The following CFAP20DC variants were observed in gnomAD, a reference collection of about 807,000 sequenced individuals.
The protein encoded by CFAP20DC is CFAP20 domain containing, also known as protein CFAP20DC.
A neutral mutation model predicts 101.7 loss-of-function variants in CFAP20DC; 84 were observed. The observed-to-expected ratio is 0.83, with a 90% CI of 0.69 to 0.99. The LOEUF (loss-of-function observed/expected upper bound fraction) is 0.99, where lower values mean the gene tolerates loss of function less well. Among genes scored for constraint, CFAP20DC ranks in the 50% least tolerant of loss-of-function variants. The probability of loss-of-function intolerance (pLI) is 0.00; values close to 1 mark genes in which losing one functional copy is unlikely to be tolerated. For missense variants in CFAP20DC, 1,007 were observed against 970.3 expected (o/e 1.04, Z -0.50); for synonymous variants, 359 against 351.2 (o/e 1.02, Z -0.25).
At chr3:58,975,980 C>T (rs927512629) in intron 4 of CFAP20DC, among the ~76,000 whole-genome samples, 1 of 152,152 alleles carries the variant, frequency 6.6e-6, no homozygotes, top group Non-Finnish European at 1.5e-5. Flanking sequence ...TCTCTTATCT[C>T]CTGTGAAAGA....
chr3:58,854,586 T>C (rs976305822), intron 12 of CFAP20DC, among the ~76,000 whole-genome samples: 1 of 152,126 alleles, frequency 6.6e-6, no homozygotes, highest in Non-Finnish European at 1.5e-5. Context: ...GTTCAAACTA[T>C]ACTACAAGGC....
At chr3:58,813,548 C>T (rs904264851) in intron 14 of CFAP20DC, among the ~76,000 whole-genome samples, 3 of 152,022 alleles carry the variant, frequency 2.0e-5, no homozygotes, top group South Asian at 2.1e-4. Flanking sequence ...AGGAGAACAA[C>T]GTAGCCATGG....
intron 5 of CFAP20DC, among the ~76,000 whole-genome samples, chr3:58,933,172 A>C (rs1283181709): frequency 6.6e-6 from 1 of 152,108 alleles, no homozygotes; most frequent in Admixed American, 6.6e-5. Flanking sequence ...AAAGAGACAA[A>C]GAAGGCCATT....
intron 4 of CFAP20DC, among the ~76,000 whole-genome samples, chr3:58,984,453 G>A (rs928481909): frequency 3.3e-5 from 5 of 152,166 alleles, no homozygotes; most frequent in East Asian, 3.8e-4. Flanking sequence ...GAAATGCAAC[G>A]AGCAGAATCA....
chr3:58,866,969 T>C (rs2079748124), intron 10 of CFAP20DC, among the ~76,000 whole-genome samples: 1 of 152,192 alleles, frequency 6.6e-6, no homozygotes, highest in South Asian at 2.1e-4. Flanking sequence ...ATAAAATTTT[T>C]AAAGGATCTT....
At chr3:58,935,977 T>A (rs1001508465) in intron 5 of CFAP20DC, among the ~76,000 whole-genome samples, 2 of 151,782 alleles carry the variant, frequency 1.3e-5, no homozygotes, top group Non-Finnish European at 2.9e-5. Flanking sequence ...ACCATCAGAG[T>A]GAACAGGCAA....
intron 5 of CFAP20DC, among the ~76,000 whole-genome samples, chr3:58,935,878 C>A (rs1201206253): frequency 4.6e-5 from 7 of 152,256 alleles, no homozygotes; most frequent in Admixed American, 2.0e-4. Flanking sequence ...GACTTCATGT[C>A]TGAAACACCA....
chr3:58,997,537 C>A (rs1257130406), intron 4 of CFAP20DC, among the ~76,000 whole-genome samples: 1 of 152,188 alleles, frequency 6.6e-6, no homozygotes, highest in African/African-American at 2.4e-5. Flanking sequence ...CTAGAAGCCT[C>A]TAATGATGGC....
chr3:58,800,593 C>G (rs1208948225), intron 15 of CFAP20DC, among the ~76,000 whole-genome samples: 1 of 152,108 alleles, frequency 6.6e-6, no homozygotes, highest in East Asian at 1.9e-4. Context: ...AGGGTCAGGA[C>G]TGGAGATATA....
intron 14 of CFAP20DC, among the ~76,000 whole-genome samples, chr3:58,811,512 T>C (rs374288376): frequency 1.3e-4 from 20 of 152,118 alleles, no homozygotes; most frequent in East Asian, 1.2e-3. Flanking sequence ...ATGTAGAAAG[T>C]TGAAACTGGA....
intron 5 of CFAP20DC, among the ~76,000 whole-genome samples, chr3:58,920,983 C>A (rs1227135662): frequency 6.6e-6 from 1 of 152,108 alleles, no homozygotes; most frequent in Non-Finnish European, 1.5e-5. Context: ...TCCACATTTT[C>A]TATTTCTTCT....
Position 58,839,254 on chromosome 3 carries a change from G to T in CFAP20DC, c.1972-7365C>A, listed in dbSNP as rs116626585. Among the ~76,000 whole-genome samples the T allele has an allele frequency of 3.5e-3, 532 of 152,336 alleles. 4 individuals carry two copies. Among genetic ancestry groups the T allele is most frequent in the African/African-American group, 0.012 (503 of 41,566 alleles). On this transcript the variant is annotated intron_variant, in intron 13 of 16. Transcript: ENST00000482387. ...CTCTAATTGGGGGTAGCAGCCCATTGTGGTGGAAGGTGCCCTGGCTTTTCT... is the reference window on the plus strand; with the variant it reads ...CTCTAATTGGGGGTAGCAGCCCATTTTGGTGGAAGGTGCCCTGGCTTTTCT...
At chr3:59,026,837 T>A (rs80344085) in intron 4 of CFAP20DC, among the ~76,000 whole-genome samples, 1,781 of 152,210 alleles carry the variant, frequency 0.012, 34 homozygotes, top group African/African-American at 0.041. Flanking sequence ...ACGGAAAAAA[T>A]AACATAAGAG....
At chr3:58,806,100 T>C (rs886150005) in intron 15 of CFAP20DC, among the ~76,000 whole-genome samples, 1 of 152,210 alleles carries the variant, frequency 6.6e-6, no homozygotes, top group African/African-American at 2.4e-5. Context: ...GTTCTAAGAA[T>C]TTTTCATTTG....
In CFAP20DC at chr3:58,805,172, C is replaced by T. The variant is rs189276478; in HGVS notation, c.2237+1223G>A. Among the ~76,000 whole-genome samples, 14 of 152,298 alleles carry T rather than the reference C, an allele frequency of 9.2e-5. 1 individual carries two copies. Among genetic ancestry groups the T allele is most frequent in the East Asian group, 7.7e-4 (4 of 5,172 alleles). On this transcript the variant is annotated intron_variant, in intron 15 of 16. Transcript: ENST00000482387. ...TCTTTCTTGAAAAAGGAAGTTCAGA[C>T]GTAGTCTGTTAGCCTCTACATGTAT...
At chr3:58,936,362 G>A (rs997974857) in intron 5 of CFAP20DC, among the ~76,000 whole-genome samples, 15 of 152,296 alleles carry the variant, frequency 9.8e-5, no homozygotes, top group South Asian at 8.3e-4. Context: ...GGAAGTCAGT[G>A]TGGCGATTCC....
intron 7 of CFAP20DC, among the ~76,000 whole-genome samples, chr3:58,877,562 T>G (rs1184236389): frequency 6.6e-6 from 1 of 152,180 alleles, no homozygotes; most frequent in Non-Finnish European, 1.5e-5. Context: ...AACTGAGGCT[T>G]GCAATGTTTA....
chr3:58,848,509 A>C (rs1025373385), intron 13 of CFAP20DC, among the ~76,000 whole-genome samples: 1 of 152,198 alleles, frequency 6.6e-6, no homozygotes, highest in Admixed American at 6.5e-5. Flanking sequence ...GGAAAAAATC[A>C]ATCTGATGGA....
At chr3:58,918,460 C>G (rs1049464308) in intron 5 of CFAP20DC, among the ~76,000 whole-genome samples, 1 of 152,176 alleles carries the variant, frequency 6.6e-6, no homozygotes, top group Non-Finnish European at 1.5e-5. Context: ...TTCTAACATC[C>G]TGTTCAACAT....
Sources: allele counts gnomAD v4.1 joint callset (sites outside exome capture counted in the v4.1 genomes callset), GRCh38; gene constraint gnomAD v4.1.1; transcripts MANE v1.5; gene names NCBI Gene and HGNC (gene_info 2026-07-23, HGNC 2026-07-21).